Variants in CCDC88C observed in about 807,000 individuals in gnomAD.
CCDC88C encodes the protein coiled-coil and HOOK domain protein 88C.
CCDC88C carries 131 observed loss-of-function variants against 198.8 expected under a neutral mutation model. The observed-to-expected ratio is 0.66, with a 90% CI of 0.57 to 0.76. The LOEUF (loss-of-function observed/expected upper bound fraction) is 0.76, where lower values mean the gene tolerates loss of function less well. Ranked by LOEUF, CCDC88C falls within the 30% of genes least tolerant of loss-of-function variation. The pLI is 0.00. For missense variants in CCDC88C, 2,553 were observed against 2,631.6 expected (o/e 0.97, Z 0.65); for synonymous variants, 1,166 against 1,114.7 (o/e 1.05, Z -0.92).
intron 22 of CCDC88C, 103 bp from the exon 23 acceptor site, chr14:91,294,421 A>C (rs1890908209): frequency 7.4e-7 from 1 of 1,343,300 alleles, no homozygotes; most frequent in Admixed American, 2.0e-5. Context: ...AAAGATGTTC[A>C]ACGCAGCATA....
rs1010020020 is a variant in CCDC88C at position 91,284,925 on chromosome 14, C to T, written c.4442-1408G>A. Among the ~76,000 whole-genome samples, 3 of 152,172 alleles carry T rather than the reference C, an allele frequency of 2.0e-5. No homozygotes were observed. Among genetic ancestry groups the T allele is most frequent in the African/African-American group, 7.2e-5 (3 of 41,436 alleles). On this transcript the variant is annotated intron_variant, in intron 25 of 29. Transcript: ENST00000389857. This position sits in a 1 kb window ranked among gnomAD's most constrained non-coding sequence, Gnocchi z 4.1. ...CAGGGATGGCTAGAGACAGGAAATG[C>T]TCCATAGGTAATGGCCTAGCTGGCC...
intron 6 of CCDC88C, 35 bp from the exon 7 acceptor site, chr14:91,340,059 GC>G (rs1184536317): frequency 6.2e-7 from 1 of 1,600,832 alleles, no homozygotes; most frequent in Non-Finnish European, 8.5e-7. Context: ...TGCAGGGGCG[GC>G]AGAGACGGGC....
chr14:91,416,968 C>A, intron 1 of CCDC88C, 130 bp from the exon 2 acceptor site: 1 of 695,348 alleles, frequency 1.4e-6, no homozygotes. Context: ...CCACACCACC[C>A]TTCAGCAGGC....
At chr14:91,417,053 C>A in intron 1 of CCDC88C, 1 of 701,724 alleles carries the variant, frequency 1.4e-6, no homozygotes, top group Non-Finnish European at 2.6e-6. Context: ...GGAGGAAAAA[C>A]TTCCTCGCCA....
intron 3 of CCDC88C, among the ~76,000 whole-genome samples, chr14:91,360,852 T>C (rs1016946915): frequency 1.6e-4 from 24 of 152,178 alleles, no homozygotes; most frequent in African/African-American, 5.8e-4. Context: ...AATAAGGAGA[T>C]TTTAAAATTC....
Position 91,273,022 on chromosome 14 carries a change from G to A in CCDC88C, c.5690C>T (p.Ala1897Val). The change falls in exon 30 of 30, where the codon GCC becomes GTC. Residue 1897 changes from alanine to valine, a missense_variant. Physicochemically the swap from Ala to Val is moderately conservative, Grantham distance 64 (BLOSUM62 0). Coordinates refer to ENST00000389857, the MANE Select transcript of CCDC88C (RefSeq NM_001080414.4). This position sits in a 1 kb window ranked among gnomAD's most constrained non-coding sequence, Gnocchi z 5.6. ...SLAPPKEERL[A>V]PLHQSATAPA... ...GGCTGTGGCAGACTGATGCAGGGGG[G>A]CCAGCCTCTCCTCCTTTGGGGGAGC... 1.9e-6 allele frequency: 3 copies of A among 1,554,012 alleles called. No homozygotes were observed. The highest frequency in any genetic ancestry group is 1.9e-5 in the Admixed American group (1 of 52,846).
At position 91,272,319 on chromosome 14, in the gene CCDC88C, T is replaced by TCG; in HGVS notation, c.*305_*306insCG. 5 of 398,072 alleles carry TCG rather than the reference T, an allele frequency of 1.3e-5. No homozygotes were observed. Among genetic ancestry groups the TCG allele is most frequent in the South Asian group, 8.7e-5 (3 of 34,576 alleles). 24.7% of individuals were successfully genotyped at this position (398,072 alleles called of 1,614,324 possible). ...TACTGGGACATACTGGAGTAGTGTC[T>TCG]GCTTTGGGGGAAGTCAGTTTGTCAT... On this transcript the variant is annotated 3_prime_UTR_variant, in exon 30 of 30. Coordinates refer to ENST00000389857, the MANE Select transcript of CCDC88C (RefSeq NM_001080414.4).
chr14:91,337,403 T>C (rs1374609693), intron 10 of CCDC88C, among the ~76,000 whole-genome samples: 4 of 152,242 alleles, frequency 2.6e-5, no homozygotes, highest in African/African-American at 9.6e-5. Context: ...AGTGCAATCA[T>C]AGCTCAATGC....
intron 4 of CCDC88C, among the ~76,000 whole-genome samples, chr14:91,345,466 C>T (rs1321955398): frequency 6.6e-6 from 1 of 152,084 alleles, no homozygotes; most frequent in Non-Finnish European, 1.5e-5. Flanking sequence ...GCTGGGATTA[C>T]AGACGTGAGC....
Position 91,271,785 on chromosome 14 carries a change from C to T in CCDC88C, c.*840G>A, listed in dbSNP as rs976611895. 6.6e-6 allele frequency: 1 copy of T among 152,638 alleles called. No homozygotes were observed. Among genetic ancestry groups the T allele is most frequent in the Non-Finnish European group, 1.5e-5 (1 of 68,060 alleles). The allele number at this position is 152,638 out of a possible 1,614,324, so 9.5% of individuals were successfully genotyped here. On this transcript the variant is annotated 3_prime_UTR_variant, in exon 30 of 30. Coordinates refer to ENST00000389857, the MANE Select transcript of CCDC88C (RefSeq NM_001080414.4). ...GCAGCCAGGTTACACATCGAGCTTG[C>T]ACCTCGCTCTGTGCGGATGACCCCT...
In CCDC88C at chr14:91,315,504, T is replaced by C. The variant is rs1396807985; in HGVS notation, c.1665+146A>G. The C allele has an allele frequency of 6.6e-6, 6 of 915,114 alleles. No homozygotes were observed. The East Asian group carries it at 1.4e-4, about 21-fold the overall frequency. The allele number at this position is 915,114 out of a possible 1,614,324, so 56.7% of individuals were successfully genotyped here. A position where few individuals can be genotyped will look rare whatever the true frequency, so the allele number is the denominator to read the frequency against. ...CCTTTTCCCACCGCCAGTTGGGAAA[T>C]TGAGAATTGCTGATTTAAGCTGTGG... On this transcript the variant is annotated intron_variant, in intron 14 of 29. Coordinates refer to ENST00000389857, the MANE Select transcript of CCDC88C (RefSeq NM_001080414.4).
intron 29 of CCDC88C, among the ~76,000 whole-genome samples, chr14:91,276,062 C>T (rs569048901): frequency 6.6e-6 from 1 of 152,258 alleles, no homozygotes; most frequent in African/African-American, 2.4e-5. Flanking sequence ...CCTCGTGATC[C>T]GCCCGTCTCG....
At position 91,272,857 on chromosome 14, in the gene CCDC88C, G is replaced by C. The variant is rs1184835913; in HGVS notation, c.5855C>G (p.Thr1952Ser). 4 of 1,592,780 alleles carry C rather than the reference G, an allele frequency of 2.5e-6. No individual in the cohort carries two copies. The highest frequency in any genetic ancestry group is 3.4e-6 in the Non-Finnish European group (4 of 1,171,540). Reference protein sequence around the residue: ...KAPPRSGEVATITPVRAGLSL... With the variant: ...KAPPRSGEVASITPVRAGLSL... ...GAGCCCTGCCCGGACAGGGGTGATG[G>C]TGGCCACCTCCCCTGAGCGTGGGGG... Residue 1952 changes from threonine (T) to serine (S), a missense_variant, in exon 30 of 30, where the codon ACC (threonine) becomes AGC (serine). By Grantham distance (58) the Thr-to-Ser change is moderately conservative (BLOSUM62 1). Transcript: ENST00000389857.
Position 91,338,218 on chromosome 14 carries a change from C to T in CCDC88C, c.892-55G>A. The T allele has an allele frequency of 6.3e-7, 1 of 1,592,230 alleles. No individual in the cohort carries two copies. On this transcript the variant is annotated intron_variant, in intron 9 of 29. Transcript: ENST00000389857. The surrounding 1 kb of genome is among the most constrained non-coding windows in gnomAD (Gnocchi z 4.8). ...AGCTTAGGGCATCCTCTAGGAAGGG[C>T]AGAAAGGCCATTGCCCTTCTGCATG...
At chr14:91,279,615 G>T in intron 27 of CCDC88C, 1 of 238,158 alleles carries the variant, frequency 4.2e-6, no homozygotes, top group South Asian at 8.7e-5. Context: ...AGTATAGAGG[G>T]CAGACAAAAA....
chr14:91,388,029 C>T (rs935935517), intron 3 of CCDC88C, among the ~76,000 whole-genome samples: 1 of 152,210 alleles, frequency 6.6e-6, no homozygotes, highest in Non-Finnish European at 1.5e-5. Flanking sequence ...TTGGTTCTGC[C>T]TTGCGGCTGG....
intron 24 of CCDC88C, 119 bp from the exon 25 acceptor site, chr14:91,289,462 G>T: frequency 1.2e-6 from 1 of 857,308 alleles, no homozygotes; most frequent in Non-Finnish European, 2.0e-6. Flanking sequence ...GGCCACTCAC[G>T]TGGGGTTCAG....
chr14:91,313,944 C>G lies in CCDC88C; in HGVS notation c.1872G>C (p.Lys624Asn). The change falls in exon 15 of 30, where the codon AAG (lysine) becomes AAC (asparagine). Residue 624 changes from lysine to asparagine, a missense_variant. Around this residue, in one of 2 missense-constraint regions of CCDC88C, gnomAD observed 1,260 missense variants for 1,412.0 expected, o/e 0.89. Coordinates refer to ENST00000389857, the MANE Select transcript of CCDC88C (RefSeq NM_001080414.4). The surrounding 1 kb of genome is among the most constrained non-coding windows in gnomAD (Gnocchi z 5.2). ...GCTTCTCTGCCCGCTCCCCCTTCTC[C>G]TTGGCCTGCTCCAAGTCCCTGTGCA... is the stretch of plus-strand genomic sequence containing the variant. Reference protein sequence around the residue: ...RQLHRDLEQAKEKGERAEKLE... With the variant: ...RQLHRDLEQANEKGERAEKLE... The G allele has an allele frequency of 6.2e-7, 1 of 1,613,544 alleles. No individual in the cohort carries two copies. The highest frequency in any genetic ancestry group is 8.5e-7 in the Non-Finnish European group (1 of 1,179,870).
At chr14:91,356,698 TAA>T (rs890995995) in intron 4 of CCDC88C, among the ~76,000 whole-genome samples, 4 of 149,116 alleles carry the variant, frequency 2.7e-5, no homozygotes, top group Admixed American at 2.7e-4. Context: ...ATAAAGCTGT[TAA>T]AAAAAAAAAT....
Sources: allele counts gnomAD v4.1 joint callset (sites outside exome capture counted in the v4.1 genomes callset), GRCh38; gene constraint gnomAD v4.1.1; regional missense constraint gnomAD v4.1.1; non-coding constraint Gnocchi (gnomAD v3.1); transcripts MANE v1.5; gene names NCBI Gene and HGNC (gene_info 2026-07-23, HGNC 2026-07-21).